The following COL4A4 variants were observed in gnomAD, a reference collection of about 807,000 sequenced individuals.
The protein encoded by COL4A4 is collagen alpha-4(IV) chain.
COL4A4 carries 105 observed loss-of-function variants against 192.9 expected under a neutral mutation model. The observed-to-expected ratio is 0.54, with a 90% CI of 0.46 to 0.64. The LOEUF is 0.64. Among genes scored for constraint, COL4A4 ranks in the 30% least tolerant of loss-of-function variants. COL4A4 has a pLI of 0.00. For missense variants in COL4A4, 1,967 were observed against 2,169.3 expected (o/e 0.91, Z 1.85); for synonymous variants, 762 against 769.9 (o/e 0.99, Z 0.17).
intron 33 of COL4A4, 28 bp from the exon 34 acceptor site, chr2:227,050,159 T>C (rs749885538): frequency 8.2e-6 from 13 of 1,594,606 alleles, no homozygotes; most frequent in Non-Finnish European, 4.3e-6. Flanking sequence ...CAAAAGGCCT[T>C]AATCAGATTT....
intron 33 of COL4A4, 90 bp downstream of exon 33, chr2:227,050,887 A>T (rs1973952197): frequency 6.8e-7 from 1 of 1,474,190 alleles, no homozygotes; most frequent in Non-Finnish European, 9.5e-7. Context: ...GGGCAATGGT[A>T]TATACGCTGG....
Position 227,101,744 on chromosome 2 carries a change from AAATG to A in COL4A4, c.975+117_975+120del, listed in dbSNP as rs2060535819. The A allele has an allele frequency of 1.6e-5, 17 of 1,066,432 alleles. No homozygotes were observed. In the South Asian group the frequency reaches 2.2e-4, roughly 14 times the overall value. 66.1% of individuals were successfully genotyped at this position (1,066,432 alleles called of 1,614,324 possible). A position where few individuals can be genotyped will look rare whatever the true frequency, so the allele number is the denominator to read the frequency against. On this transcript the variant is annotated intron_variant, in intron 16 of 47. Coordinates refer to ENST00000396625, the MANE Select transcript of COL4A4 (RefSeq NM_000092.5). Reference sequence around the variant, plus strand: ...CCACAGCTAAATCCTGCAATCCATAAAATGAATGTGTCTGCCTTCCTAATTACTG... The same window carrying A: ...CCACAGCTAAATCCTGCAATCCATAAAATGTGTCTGCCTTCCTAATTACTG...
chr2:227,154,198 C>G (rs993385338), intron 1 of COL4A4, among the ~76,000 whole-genome samples: 1 of 152,198 alleles, frequency 6.6e-6, no homozygotes, highest in African/African-American at 2.4e-5. Context: ...TTTTCTCCCC[C>G]CTTCACTCCT....
rs1313305084 is a variant in COL4A4, at chr2:227,012,396, C to T, written c.4217-99G>A. Reference sequence around the variant, plus strand: ...ATGCCAGCCGTGTGCCAGCCCCAGGCTTCCTTCCCACTTTGACTGAATGCA... The same window carrying T: ...ATGCCAGCCGTGTGCCAGCCCCAGGTTTCCTTCCCACTTTGACTGAATGCA... On this transcript the variant is annotated intron_variant, in intron 44 of 47. Coordinates refer to ENST00000396625, the MANE Select transcript of COL4A4 (RefSeq NM_000092.5). 8.8e-6 allele frequency: 8 copies of T among 912,344 alleles called. No individual in the cohort carries two copies. The East Asian group carries it at 1.7e-4, about 20-fold the overall frequency. 56.5% of individuals were successfully genotyped at this position (912,344 alleles called of 1,614,324 possible). A position where few individuals can be genotyped will look rare whatever the true frequency, so the allele number is the denominator to read the frequency against.
At chr2:227,063,232 G>A (rs1022900314) in intron 25 of COL4A4, among the ~76,000 whole-genome samples, 4 of 152,128 alleles carry the variant, frequency 2.6e-5, no homozygotes, top group African/African-American at 9.7e-5. Flanking sequence ...GGGTCTGAAT[G>A]AAAAATTTTC....
At position 227,080,785 on chromosome 2, in the gene COL4A4, G is replaced by A. The variant is rs185235087; in HGVS notation, c.1697-236C>T. On this transcript the variant is annotated intron_variant, in intron 23 of 47. Coordinates refer to ENST00000396625, the MANE Select transcript of COL4A4 (RefSeq NM_000092.5). ...TTTCCCATTCCAGCAAGGAGCTGGTGTGTGAAGGTGCCAATCACAGAATCT... is the reference window on the plus strand; with the variant it reads ...TTTCCCATTCCAGCAAGGAGCTGGTATGTGAAGGTGCCAATCACAGAATCT... Among the ~76,000 whole-genome samples the A allele has an allele frequency of 2.5e-3, 385 of 152,288 alleles. 1 individual carries two copies. Among genetic ancestry groups the A allele is most frequent in the African/African-American group, 8.8e-3 (366 of 41,568 alleles).
In COL4A4 at chr2:227,042,216, T is replaced by C; in HGVS notation, c.3437A>G (p.Glu1146Gly). The change falls in exon 37 of 48, where the codon GAA becomes GGA. Residue 1146 changes from glutamate to glycine, a missense_variant. Coordinates refer to ENST00000396625, the MANE Select transcript of COL4A4 (RefSeq NM_000092.5). ...GMPGLRGQPG[E>G]MGDPGPRGLQ... ...GCCTCTTGGCCCAGGGTCTCCCATTTCTCCTGGCTGTCCCCTCAGCCCAGG... is the reference window on the plus strand; with the variant it reads ...GCCTCTTGGCCCAGGGTCTCCCATTCCTCCTGGCTGTCCCCTCAGCCCAGG... 1 of 1,613,748 alleles carries C rather than the reference T, an allele frequency of 6.2e-7. No homozygotes were observed. Among genetic ancestry groups the C allele is most frequent in the African/African-American group, 1.3e-5 (1 of 75,008 alleles).
At position 227,041,868 on chromosome 2, in the gene COL4A4, A is replaced by G. The variant is rs56138701; in HGVS notation, c.3505+280T>C. Reference sequence around the variant, plus strand: ...AGAAAGAGAAAGAAAGAAAGAAAGAAAGAAAGAAAGAAAGAAAGAAAGAAA... The same window carrying G: ...AGAAAGAGAAAGAAAGAAAGAAAGAGAGAAAGAAAGAAAGAAAGAAAGAAA... On this transcript the variant is annotated intron_variant, in intron 37 of 47. Transcript: ENST00000396625. Among the ~76,000 whole-genome samples, 922 of 120,048 alleles carry G rather than the reference A, an allele frequency of 7.7e-3. 11 individuals are homozygous for G. The highest frequency in any genetic ancestry group is 0.018 in the African/African-American group (525 of 29,808). 78.8% of individuals were successfully genotyped at this position (120,048 alleles called of 152,430 possible). A position where few individuals can be genotyped will look rare whatever the true frequency, so the allele number is the denominator to read the frequency against.
In COL4A4 at chr2:227,118,255, G is replaced by A. The variant is rs1480034885; in HGVS notation, c.489+390C>T. Among the ~76,000 whole-genome samples the A allele has an allele frequency of 2.6e-5, 4 of 152,106 alleles. No homozygotes were observed. The East Asian group carries it at 7.7e-4, about 29-fold the overall frequency. ...CTTTCTGTTCAAAATACCTAGTGGG[G>A]TTTGTTTCTGCAATTAACCCTGAAT... On this transcript the variant is annotated intron_variant, in intron 7 of 47. Transcript: ENST00000396625.
At chr2:226,992,831 G>A in the COL4A4 span, among the ~76,000 whole-genome samples, 82 of 152,310 alleles carry the variant, frequency 5.4e-4, 1 homozygote, top group Non-Finnish European at 9.1e-4. Context: ...GACTCAGAAG[G>A]TTCGCTGTTC....
At chr2:227,012,673 T>C (rs1964027498) in intron 44 of COL4A4, among the ~76,000 whole-genome samples, 1 of 150,650 alleles carries the variant, frequency 6.6e-6, no homozygotes, top group African/African-American at 2.4e-5. Flanking sequence ...ATGGCATTTA[T>C]AATAAATATT....
At chr2:227,055,741 C>T (rs1305106413) in intron 30 of COL4A4, among the ~76,000 whole-genome samples, 2 of 152,076 alleles carry the variant, frequency 1.3e-5, no homozygotes, top group Non-Finnish European at 2.9e-5. Context: ...ACCTACAAAC[C>T]CCTTTTCCCA....
chr2:227,095,155 T>A (rs1168274986), intron 19 of COL4A4, among the ~76,000 whole-genome samples: 1 of 152,230 alleles, frequency 6.6e-6, no homozygotes, highest in Non-Finnish European at 1.5e-5. Context: ...ATATTTGATT[T>A]AATTAAATGA....
intron 1 of COL4A4, among the ~76,000 whole-genome samples, chr2:227,160,102 G>T (rs2064700672): frequency 6.6e-6 from 1 of 152,170 alleles, no homozygotes; most frequent in Non-Finnish European, 1.5e-5. Flanking sequence ...GGTGTGAGGT[G>T]AGGAAGTCTG....
chr2:226,970,399 C>T, the COL4A4 span, among the ~76,000 whole-genome samples: 1 of 151,756 alleles, frequency 6.6e-6, no homozygotes, highest in Admixed American at 6.6e-5. Flanking sequence ...AGCTTTTTTC[C>T]CCCCTTTTTA....
At chr2:227,045,826 A>T (rs184507874) in intron 35 of COL4A4, among the ~76,000 whole-genome samples, 2 of 61,106 alleles carry the variant, frequency 3.3e-5, no homozygotes, top group African/African-American at 1.6e-4. Flanking sequence ...ACACATATAT[A>T]TATATACACA....
intron 3 of COL4A4, 119 bp downstream of exon 3, chr2:227,144,397 C>T: frequency 2.4e-6 from 2 of 832,742 alleles, no homozygotes. Context: ...GTCCTATTCT[C>T]CATTTTACAG....
chr2:227,032,410 G>A (rs1968629615), intron 38 of COL4A4, 134 bp from the exon 39 acceptor site: 1 of 971,266 alleles, frequency 1.0e-6, no homozygotes, highest in South Asian at 1.4e-5. Flanking sequence ...GGTTGCAGTG[G>A]TGATCCAAAT....
intron 41 of COL4A4, among the ~76,000 whole-genome samples, chr2:227,028,616 C>T (rs1400042079): frequency 6.6e-6 from 1 of 150,848 alleles, no homozygotes; most frequent in African/African-American, 2.4e-5. Context: ...GTCTGTCTTC[C>T]ATGAAACTAT....
Sources: allele counts gnomAD v4.1 joint callset (sites outside exome capture counted in the v4.1 genomes callset), GRCh38; gene constraint gnomAD v4.1.1; transcripts MANE v1.5; gene names NCBI Gene and HGNC (gene_info 2026-07-23, HGNC 2026-07-21).